Variants in ADAMTSL4 observed in about 807,000 individuals in gnomAD.
ADAMTSL4 encodes the protein ADAMTS-like protein 4.
In ADAMTSL4, 97 loss-of-function variants were observed where a neutral mutation model predicts 122.8. That is an observed-to-expected ratio of 0.79 (90% CI 0.67 to 0.93). The LOEUF (loss-of-function observed/expected upper bound fraction) is 0.93. Among genes scored for constraint, ADAMTSL4 ranks in the 40% least tolerant of loss-of-function variants. ADAMTSL4 has a pLI of 0.00. For missense variants in ADAMTSL4, 1,408 were observed against 1,453.5 expected, an observed-to-expected ratio of 0.97 and a Z score of 0.51; for synonymous variants, 592 against 568.0, an observed-to-expected ratio of 1.04 and a Z score of -0.60.
At chr1:150,551,349 T>C in intron 2 of ADAMTSL4, 1 of 301,052 alleles carries the variant, frequency 3.3e-6, no homozygotes, top group South Asian at 3.0e-5. Context: ...CCATTTAGCT[T>C]ATCCCTTGGC....
At chr1:150,558,425 G>A (rs777310631) in intron 14 of ADAMTSL4, 48 bp from the exon 15 acceptor site, 2 of 1,609,256 alleles carry the variant, frequency 1.2e-6, no homozygotes, top group South Asian at 1.1e-5. Flanking sequence ...GAAGCTGGCT[G>A]AGAAGGTCTG....
At position 150,556,004 on chromosome 1, in the gene ADAMTSL4, C is replaced by A; in HGVS notation, c.1372-158C>A. The A allele has an allele frequency of 1.3e-6, 1 of 744,096 alleles. No homozygotes were observed. The highest frequency in any genetic ancestry group is 1.6e-5 in the South Asian group (1 of 64,426). 46.1% of individuals were successfully genotyped at this position (744,096 alleles called of 1,614,324 possible). ...TGAAGGATCTGATCGGGCACCTGTCCATGTCCCTGGGTCTGGCTGGGGATG... is the reference window on the plus strand; with the variant it reads ...TGAAGGATCTGATCGGGCACCTGTCAATGTCCCTGGGTCTGGCTGGGGATG... On this transcript the variant is annotated intron_variant, in intron 8 of 18. Transcript: ENST00000271643. The surrounding 1 kb of genome is among the most constrained non-coding windows in gnomAD (Gnocchi z 4.1).
In ADAMTSL4 at chr1:150,553,779, C is replaced by T. The variant is rs369322301; in HGVS notation, c.788C>T (p.Pro263Leu). ...PRAQASGTEP[P>L]SPTHSLGEGG... Reference sequence around the variant, plus strand: ...GCCCAGGCCTCTGGCACAGAGCCCCCCTCACCCACGCACTCCTTAGGAGAA... The same window carrying T: ...GCCCAGGCCTCTGGCACAGAGCCCCTCTCACCCACGCACTCCTTAGGAGAA... The change falls in exon 6 of 19, where the codon CCC becomes CTC. Residue 263 changes from proline to leucine, a missense_variant. Physicochemically the swap from Pro to Leu is moderately conservative, Grantham distance 98 (BLOSUM62 -3). Coordinates refer to ENST00000271643, the MANE Select transcript of ADAMTSL4 (RefSeq NM_019032.6). 1.4e-5 allele frequency: 23 copies of T among 1,613,866 alleles called. No homozygotes were observed. In the African/African-American group the frequency reaches 2.7e-4, roughly 19 times the overall value.
intron 2 of ADAMTSL4, chr1:150,550,696 C>G: frequency 2.2e-6 from 1 of 454,502 alleles, no homozygotes; most frequent in Non-Finnish European, 4.4e-6. Context: ...CTCCCCCGTT[C>G]AGTCAGGGTG....
intron 7 of ADAMTSL4, among the ~76,000 whole-genome samples, chr1:150,555,049 G>T (rs1479646178): frequency 2.0e-5 from 3 of 150,928 alleles, no homozygotes; most frequent in African/African-American, 7.3e-5. Context: ...GAGTACAGTG[G>T]CACGATCTCA....
chr1:150,553,080 G>A lies in ADAMTSL4; in HGVS notation c.261G>A (p.Arg87=). Reference sequence around the variant, plus strand: ...ACCCGAGTCTGCCCCTCCCTCCCCGGCCCCCAAGACATCCAGAAGCCCTCC... The same window carrying A: ...ACCCGAGTCTGCCCCTCCCTCCCCGACCCCCAAGACATCCAGAAGCCCTCC... ...QLHPSLPLPP[R]PPRHPEALLP... Residue 87 remains arginine, a synonymous_variant, in exon 5 of 19, where the codon CGG becomes CGA. Transcript: ENST00000271643. The A allele has an allele frequency of 1.2e-6, 2 of 1,613,364 alleles. No homozygotes were observed. The highest frequency in any genetic ancestry group is 1.7e-6 in the Non-Finnish European group (2 of 1,179,820).
chr1:150,559,331 C>G lies in ADAMTSL4; in HGVS notation c.2808C>G (p.Ile936Met). The change falls in exon 17 of 19, where the codon ATC (isoleucine) becomes ATG (methionine). Residue 936 changes from isoleucine to methionine, a missense_variant. By Grantham distance (10) the Ile-to-Met change is conservative. Transcript: ENST00000271643. The surrounding 1 kb of genome is among the most constrained non-coding windows in gnomAD (Gnocchi z 4.1). The part of the protein sequence containing the change: ...CGSGTQRRDI[I>M]CVSKLGTEFN... Reference sequence around the variant, plus strand: ...CTGGCACACAGCGTAGAGACATCATCTGTGTATCCAAACTGGGGACGGAGT... The same window carrying G: ...CTGGCACACAGCGTAGAGACATCATGTGTGTATCCAAACTGGGGACGGAGT... 1 of 1,614,080 alleles carries G rather than the reference C, an allele frequency of 6.2e-7. No homozygotes were observed.
In ADAMTSL4 at chr1:150,554,784, C is replaced by T. The variant is rs1671839549; in HGVS notation, c.1234+317C>T. 1.1e-5 allele frequency: 10 copies of T among 912,824 alleles called. No homozygotes were observed. In the South Asian group the frequency reaches 1.2e-4, roughly 11 times the overall value. 56.5% of individuals were successfully genotyped at this position (912,824 alleles called of 1,614,324 possible). A position where few individuals can be genotyped will look rare whatever the true frequency, so the allele number is the denominator to read the frequency against. On this transcript the variant is annotated intron_variant, in intron 7 of 18. Coordinates refer to ENST00000271643, the MANE Select transcript of ADAMTSL4 (RefSeq NM_019032.6). The surrounding 1 kb of genome is among the most constrained non-coding windows in gnomAD (Gnocchi z 4.0). ...AGAGATCCTGTCCAGCCGTGACAGC[C>T]AGGTGGGGGTGTGCCACGCATCCTG...
rs1671198844 is a variant in ADAMTSL4 at position 150,549,621 on chromosome 1, C to T, written c.-159+122C>T. On this transcript the variant is annotated intron_variant, in intron 1 of 18. Coordinates refer to ENST00000271643, the MANE Select transcript of ADAMTSL4 (RefSeq NM_019032.6). The surrounding 1 kb of genome is among the most constrained non-coding windows in gnomAD (Gnocchi z 5.0). ...CTGTGCGGTCGCGACCCCGCCACGA[C>T]CCCGGACCCAGCTCCGGTGGCCTCG... The T allele has an allele frequency of 6.6e-6, 1 of 152,420 alleles. No individual in the cohort carries two copies. The highest frequency in any genetic ancestry group is 1.5e-5 in the Non-Finnish European group (1 of 68,186). The allele number at this position is 152,420 out of a possible 1,614,324, so 9.4% of individuals were successfully genotyped here.
intron 15 of ADAMTSL4, 65 bp from the exon 16 acceptor site, chr1:150,558,897 C>T: frequency 6.5e-7 from 1 of 1,547,106 alleles, no homozygotes. Flanking sequence ...CCTCCCTGCC[C>T]CCCTACTGTC....
chr1:150,554,179 C>T lies in ADAMTSL4; in HGVS notation c.1131+57C>T. ...CGACCTCCAGTGTGGCTTCCCTGCCCTGAAGCTGGGTCTTCAGCTTCCGCT... is the reference window on the plus strand; with the variant it reads ...CGACCTCCAGTGTGGCTTCCCTGCCTTGAAGCTGGGTCTTCAGCTTCCGCT... On this transcript the variant is annotated intron_variant, in intron 6 of 18. Transcript: ENST00000271643. This position sits in a 1 kb window ranked among gnomAD's most constrained non-coding sequence, Gnocchi z 4.0. 6.3e-7 allele frequency: 1 copy of T among 1,581,744 alleles called. No homozygotes were observed. Among genetic ancestry groups the T allele is most frequent in the Non-Finnish European group, 8.6e-7 (1 of 1,166,536 alleles).
Position 150,552,962 on chromosome 1 carries a change from G to A in ADAMTSL4, c.143G>A (p.Gly48Glu). The A allele has an allele frequency of 3.1e-6, 5 of 1,613,194 alleles. No homozygotes were observed. Among genetic ancestry groups the A allele is most frequent in the Non-Finnish European group, 4.2e-6 (5 of 1,179,988 alleles). The change falls in exon 5 of 19, where the codon GGA becomes GAA. Residue 48 changes from glycine (G) to glutamate (E), a missense_variant. By Grantham distance (98) the Gly-to-Glu change is moderately conservative. Transcript: ENST00000271643. The surrounding 1 kb of genome is among the most constrained non-coding windows in gnomAD (Gnocchi z 4.0). ...EEGQGPEGVW[G>E]PWVQWASCSQ... ...GGCCAGGGCCCCGAAGGTGTCTGGG[G>A]ACCTTGGGTCCAGTGGGCCTCTTGC...
rs1332631672 is a variant in ADAMTSL4 at position 150,560,104 on chromosome 1, C to T, written c.3133C>T (p.Gln1045Ter). ...DSSPHCPLVV[Q>*]ARLCVYPYYT... The stretch of plus-strand genomic sequence containing the variant: ...CTCTCCACATTGCCCCCTGGTGGTA[C>T]AGGCCCGGCTCTGCGTCTACCCCTA... The change falls in exon 19 of 19, where the codon CAG (glutamine) becomes TAG (stop). Residue 1045 changes from glutamine (Q) to a stop codon, truncating the protein, a stop_gained. Coordinates refer to ENST00000271643, the MANE Select transcript of ADAMTSL4 (RefSeq NM_019032.6). LOFTEE classifies it high-confidence loss of function. 1.9e-6 allele frequency: 3 copies of T among 1,614,130 alleles called. No homozygotes were observed. In the Admixed American group the frequency reaches 5.0e-5, roughly 27 times the overall value.
Position 150,554,089 on chromosome 1 carries a change from GGA to G in ADAMTSL4, c.1102_1103del (p.Ser368Ter), listed in dbSNP as rs1560289791. On this transcript the variant is annotated frameshift_variant, in exon 6 of 19. Coordinates refer to ENST00000271643, the MANE Select transcript of ADAMTSL4 (RefSeq NM_019032.6). LOFTEE classifies it high-confidence loss of function. The surrounding 1 kb of genome is among the most constrained non-coding windows in gnomAD (Gnocchi z 4.0). ...GTAGCCCTATTCCAAGATGTTCTGG[GGA>G]GAGTGAACAGCTAAGAGCCTGCAGC... ...PSSPIPRCSG[E>X]SEQLRACSQA... 6.2e-7 allele frequency: 1 copy of G among 1,601,518 alleles called. No individual in the cohort carries two copies. The highest frequency in any genetic ancestry group is 1.7e-5 in the Admixed American group (1 of 60,012).
At position 150,560,405 on chromosome 1, in the gene ADAMTSL4, C is replaced by T. The variant is rs1672653378; in HGVS notation, c.*209C>T. On this transcript the variant is annotated 3_prime_UTR_variant, in exon 19 of 19. Coordinates refer to ENST00000271643, the MANE Select transcript of ADAMTSL4 (RefSeq NM_019032.6). Reference sequence around the variant, plus strand: ...GGTGTGATGGGTGTGTGCACATATGCCTCAGGTGTGCTTTTGGGACTGCAT... The same window carrying T: ...GGTGTGATGGGTGTGTGCACATATGTCTCAGGTGTGCTTTTGGGACTGCAT... 2 of 708,470 alleles carry T rather than the reference C, an allele frequency of 2.8e-6. No individual in the cohort carries two copies. The highest frequency in any genetic ancestry group is 5.7e-5 in the Admixed American group (2 of 34,972). 43.9% of individuals were successfully genotyped at this position (708,470 alleles called of 1,614,324 possible).
Position 150,559,453 on chromosome 1 carries a change from C to G in ADAMTSL4, c.2930C>G (p.Thr977Arg). 4 of 1,613,338 alleles carry G rather than the reference C, an allele frequency of 2.5e-6. No individual in the cohort carries two copies. In the Admixed American group the frequency reaches 5.0e-5, roughly 20 times the overall value. Residue 977 changes from threonine to arginine, a missense_variant, in exon 17 of 19, where the codon ACG becomes AGG. By Grantham distance (71) the Thr-to-Arg change is moderately conservative. Coordinates refer to ENST00000271643, the MANE Select transcript of ADAMTSL4 (RefSeq NM_019032.6). The surrounding 1 kb of genome is among the most constrained non-coding windows in gnomAD (Gnocchi z 4.1). ...GCCTGCCAGGACCGATGGTTTTCCA[C>G]GCCCTGGAGCCCAGTGAGTGTCTGG... ...GQACQDRWFS[T>R]PWSPCSRSCQ...
chr1:150,554,319 C>T lies in ADAMTSL4; in HGVS notation c.1132-46C>T, dbSNP rs1671773458. 6.3e-7 allele frequency: 1 copy of T among 1,585,746 alleles called. No individual in the cohort carries two copies. The highest frequency in any genetic ancestry group is 1.7e-5 in the Admixed American group (1 of 59,922). On this transcript the variant is annotated intron_variant, in intron 6 of 18. Coordinates refer to ENST00000271643, the MANE Select transcript of ADAMTSL4 (RefSeq NM_019032.6). This position sits in a 1 kb window ranked among gnomAD's most constrained non-coding sequence, Gnocchi z 4.0. ...CCCCAGGTTCAGCCCTGCCCCTACC[C>T]TCATTTTGCTCCCCAGCTCTGACTC... is the stretch of plus-strand genomic sequence containing the variant.
rs587714650 is a variant in ADAMTSL4 at position 150,556,598 on chromosome 1, G to T, written c.1577-23G>T. 2.5e-6 allele frequency: 4 copies of T among 1,613,752 alleles called. No homozygotes were observed. Among genetic ancestry groups the T allele is most frequent in the Non-Finnish European group, 3.4e-6 (4 of 1,180,000 alleles). On this transcript the variant is annotated intron_variant, in intron 9 of 18. Coordinates refer to ENST00000271643, the MANE Select transcript of ADAMTSL4 (RefSeq NM_019032.6). The surrounding 1 kb of genome is among the most constrained non-coding windows in gnomAD (Gnocchi z 4.1). The stretch of plus-strand genomic sequence containing the variant: ...AGGTATTATCACCCTGGAATTTCCC[G>T]ATCTCTCACCTCTGACCCGCAGCAC...
rs759709764 is a variant in ADAMTSL4 at position 150,553,000 on chromosome 1, G to A, written c.181G>A (p.Gly61Arg). 35 of 1,613,122 alleles carry A rather than the reference G, an allele frequency of 2.2e-5. No individual in the cohort carries two copies. The highest frequency in any genetic ancestry group is 2.0e-4 in the African/African-American group (15 of 74,878). The stretch of plus-strand genomic sequence containing the variant: ...GTGGGCCTCTTGCTCCCAGCCCTGC[G>A]GGGTGGGGGTGCAGCGCAGGAGCCG... Reference protein sequence around the residue: ...VQWASCSQPCGVGVQRRSRTC... With the variant: ...VQWASCSQPCRVGVQRRSRTC... Residue 61 changes from glycine (G) to arginine (R), a missense_variant, in exon 5 of 19, where the codon GGG (glycine) becomes AGG (arginine). Gly to Arg is a moderately radical substitution (Grantham distance 125, BLOSUM62 -2). Transcript: ENST00000271643. This position sits in a 1 kb window ranked among gnomAD's most constrained non-coding sequence, Gnocchi z 4.0.
Sources: allele counts gnomAD v4.1 joint callset (sites outside exome capture counted in the v4.1 genomes callset), GRCh38; gene constraint gnomAD v4.1.1; non-coding constraint Gnocchi (gnomAD v3.1); transcripts MANE v1.5; gene names NCBI Gene and HGNC (gene_info 2026-07-23, HGNC 2026-07-21).